The following MICAL2 variants were observed in gnomAD, a reference collection of about 807,000 sequenced individuals.
The protein encoded by MICAL2 is microtubule associated monooxygenase, calponin and LIM domain containing 2, also known as [F-actin]-monooxygenase MICAL2.
In MICAL2, 77 loss-of-function variants were observed where a neutral mutation model predicts 127.3. The ratio of observed to expected loss-of-function variants is 0.60; its 90% CI spans 0.50 to 0.73. The LOEUF (loss-of-function observed/expected upper bound fraction) is 0.73, where lower values mean the gene tolerates loss of function less well. MICAL2 is among the 30% of genes least tolerant of loss of function. MICAL2 has a pLI of 0.00. For synonymous variants in MICAL2, 570 were observed against 551.1 expected (o/e 1.03, Z -0.48); for missense variants, 1,351 against 1,434.4 (o/e 0.94, Z 0.94).
At chr11:12,234,312 A>C (rs974772329) in intron 15 of MICAL2, among the ~76,000 whole-genome samples, 2 of 152,104 alleles carry the variant, frequency 1.3e-5, no homozygotes, top group African/African-American at 2.4e-5. Flanking sequence ...CAAAAAAAAA[A>C]AACAACAGAA....
intron 33 of MICAL2, among the ~76,000 whole-genome samples, chr11:12,351,716 C>T (rs1939049292): frequency 2.0e-5 from 3 of 151,834 alleles, no homozygotes; most frequent in East Asian, 3.9e-4. Context: ...CATTGAGTTC[C>T]ATTGACATGG....
chr11:12,174,945 A>G (rs2133902945), intron 3 of MICAL2, among the ~76,000 whole-genome samples: 1 of 152,208 alleles, frequency 6.6e-6, no homozygotes, highest in East Asian at 1.9e-4. Context: ...ACATGGCAAA[A>G]TGCCATTTCT....
chr11:12,148,272 G>A (rs1026618131), intron 2 of MICAL2, among the ~76,000 whole-genome samples: 1 of 152,140 alleles, frequency 6.6e-6, no homozygotes, highest in Non-Finnish European at 1.5e-5. Context: ...TTCAGAGGAT[G>A]AGCGAGGTTT....
rs987708543 is a variant in MICAL2 at position 12,312,604 on chromosome 11, A to G, written c.5213-7092A>G. Among the ~76,000 whole-genome samples the G allele has an allele frequency of 3.3e-5, 5 of 152,358 alleles. 1 individual carries two copies. In the Middle Eastern group the frequency reaches 0.01, roughly 311 times the overall value. On this transcript the variant is annotated intron_variant, in intron 29 of 34. Transcript: ENST00000646065. ...GGCAGTTTAACAGGAGAAAAGGCAT[A>G]CAAATTTATTTGATCATAGTTTTTT...
chr11:12,225,491 T>TC (rs1194273135), intron 13 of MICAL2: 10 of 142,000 alleles, frequency 7.0e-5, no homozygotes, highest in Admixed American at 5.6e-4. Context: ...ATGGACCGTC[T>TC]TTTTTTTTTT....
At chr11:12,356,436 A>G (rs7129488) in intron 34 of MICAL2, among the ~76,000 whole-genome samples, 132,230 of 152,182 alleles carry the variant, frequency 0.87, 57,645 homozygotes, top group East Asian at 0.93. Flanking sequence ...GTGACTGGCA[A>G]GTAATGGGAA....
At chr11:12,166,933 T>A (rs1268993954) in intron 3 of MICAL2, among the ~76,000 whole-genome samples, 1 of 151,914 alleles carries the variant, frequency 6.6e-6, no homozygotes, top group African/African-American at 2.4e-5. Context: ...TGCTCTGTAA[T>A]GGGAAAGGAG....
At chr11:12,225,438 G>A (rs1857294892) in intron 13 of MICAL2, 1 of 152,382 alleles carries the variant, frequency 6.6e-6, no homozygotes, top group South Asian at 2.1e-4. Context: ...CCTACCCAAG[G>A]GCTAGCAATT....
chr11:12,248,752 C>CCTGGTAGGAGGATAAATCTCAGGGACAT (rs2134560049), intron 21 of MICAL2, among the ~76,000 whole-genome samples: 1 of 152,340 alleles, frequency 6.6e-6, no homozygotes, highest in South Asian at 2.1e-4. Flanking sequence ...CTTTGTTTGA[C>CCTGGTAGGAGGATAAATCTCAGGGACAT]CTGGTAGGAG....
chr11:12,151,300 G>T (rs936555582), intron 2 of MICAL2, among the ~76,000 whole-genome samples: 1 of 152,154 alleles, frequency 6.6e-6, no homozygotes, highest in Non-Finnish European at 1.5e-5. Context: ...GAACACTAAG[G>T]TACTAATAGA....
At chr11:12,238,459 T>G (rs1359786420) in intron 16 of MICAL2, among the ~76,000 whole-genome samples, 12 of 152,220 alleles carry the variant, frequency 7.9e-5, no homozygotes, top group Non-Finnish European at 2.9e-5. Flanking sequence ...TGTACTGGAA[T>G]GAGAAGAGCA....
rs775925599 is a variant in MICAL2, at chr11:12,239,422, T to G, written c.2065-14T>G. 1.2e-6 allele frequency: 2 copies of G among 1,613,866 alleles called. No homozygotes were observed. Among genetic ancestry groups the G allele is most frequent in the Admixed American group, 3.3e-5 (2 of 60,032 alleles). ...CAGGATCCAACCATCAGTGTCCCGT[T>G]TCAACCTTTGCAGCCTTCAAACTTT... On this transcript the variant is annotated splice_polypyrimidine_tract_variant and intron_variant, in intron 16 of 27. Transcript: ENST00000683283.
At chr11:12,360,545 G>A (rs1159149857), downstream of MICAL2, among the ~76,000 whole-genome samples, 5 of 152,176 alleles carry the variant, frequency 3.3e-5, no homozygotes, top group East Asian at 7.7e-4. Flanking sequence ...TCTGTCAGTT[G>A]CATAAAAGTG....
At chr11:12,203,849 A>T (rs934344398) in intron 3 of MICAL2, among the ~76,000 whole-genome samples, 1 of 152,116 alleles carries the variant, frequency 6.6e-6, no homozygotes, top group African/African-American at 2.4e-5. Flanking sequence ...GACCACAAAG[A>T]TGTACCATAT....
At chr11:12,156,163 G>A (rs1854164585) in intron 2 of MICAL2, among the ~76,000 whole-genome samples, 1 of 152,214 alleles carries the variant, frequency 6.6e-6, no homozygotes, top group African/African-American at 2.4e-5. Flanking sequence ...GAGGCTGTGT[G>A]GCAAAAGGGG....
At chr11:12,288,067 T>A (rs1441978284), downstream of MICAL2, among the ~76,000 whole-genome samples, 2 of 152,026 alleles carry the variant, frequency 1.3e-5, no homozygotes, top group African/African-American at 4.8e-5. Flanking sequence ...TCCCCCACCA[T>A]CCCCAGACGC....
At chr11:12,113,396 C>G (rs548421027) in intron 1 of MICAL2, among the ~76,000 whole-genome samples, 1 of 152,016 alleles carries the variant, frequency 6.6e-6, no homozygotes, top group East Asian at 1.9e-4. Context: ...ACAACAACAA[C>G]AAAAAAGGTT....
Position 12,221,674 on chromosome 11 carries a change from C to G in MICAL2, c.1237C>G (p.Arg413Gly). The G allele has an allele frequency of 6.2e-7, 1 of 1,613,786 alleles. No individual in the cohort carries two copies. The highest frequency in any genetic ancestry group is 8.5e-7 in the Non-Finnish European group (1 of 1,179,822). Reference protein sequence around the residue: ...PFWPMGTGCARGFLAAFDTAW... With the variant: ...PFWPMGTGCAGGFLAAFDTAW... Reference sequence around the variant, plus strand: ...TTGGCCCATGGGTACAGGCTGTGCCCGTGGCTTCCTGGCAGCCTTTGACAC... The same window carrying G: ...TTGGCCCATGGGTACAGGCTGTGCCGGTGGCTTCCTGGCAGCCTTTGACAC... Residue 413 changes from arginine (R) to glycine (G), a missense_variant, in exon 10 of 28, where the codon CGT (arginine) becomes GGT (glycine). Arg to Gly is a moderately radical substitution (Grantham distance 125). Coordinates refer to ENST00000683283, the MANE Select transcript of MICAL2 (RefSeq NM_001282663.2).
chr11:12,226,862 G>A (rs1393857980), intron 14 of MICAL2, among the ~76,000 whole-genome samples, 163 bp from the exon 15 acceptor site: 1 of 151,900 alleles, frequency 6.6e-6, no homozygotes, highest in Non-Finnish European at 1.5e-5. Context: ...CACTGTGTTA[G>A]CCAGGATGGT....
Sources: gnomAD v4.1 joint callset for allele counts (sites outside exome capture counted in the v4.1 genomes callset) on GRCh38, gnomAD v4.1.1 for gene constraint, MANE v1.5 for transcripts, NCBI Gene and HGNC (gene_info 2026-07-23, HGNC 2026-07-21) for gene names.